POLK: variants seen among roughly 807,000 people sequenced by gnomAD.
POLK encodes polymerase (DNA directed) kappa.
A neutral mutation model predicts 94.0 loss-of-function variants in POLK; 76 were observed. The ratio of observed to expected loss-of-function variants is 0.81; its 90% CI spans 0.67 to 0.98. The LOEUF is 0.98. Among genes scored for constraint, POLK ranks in the 50% least tolerant of loss-of-function variants. The pLI, the probability that POLK is intolerant of heterozygous loss-of-function variation, is 0.00. For missense variants in POLK, 954 were observed against 1,010.1 expected (o/e 0.94, Z 0.75); for synonymous variants, 349 against 325.4 (o/e 1.07, Z -0.78).
At chr5:75,565,466 G>A (rs1186415626) in intron 3 of POLK, among the ~76,000 whole-genome samples, 1 of 152,094 alleles carries the variant, frequency 6.6e-6, no homozygotes, top group African/African-American at 2.4e-5. Flanking sequence ...GAGGTGTTCT[G>A]TTATTTGGAA....
At chr5:75,592,765 G>T (rs1772854825) in intron 11 of POLK, among the ~76,000 whole-genome samples, 1 of 151,918 alleles carries the variant, frequency 6.6e-6, no homozygotes, top group African/African-American at 2.4e-5. Context: ...GCTAAAATGG[G>T]ATTTTAGGTC....
At chr5:75,583,093 A>G in intron 7 of POLK, 200 bp from the exon 8 acceptor site, 1 of 401,396 alleles carries the variant, frequency 2.5e-6, no homozygotes, top group Non-Finnish European at 4.4e-6. Flanking sequence ...TGCCACAATG[A>G]CTGTAACTAG....
rs894481226 is a variant in POLK at position 75,586,892 on chromosome 5, CTG to C, written c.1227-132_1227-131del. 2.1e-5 allele frequency: 13 copies of C among 604,664 alleles called. 1 individual carries two copies. The highest frequency in any genetic ancestry group is 8.4e-5 in the South Asian group (4 of 47,444). 37.5% of individuals were successfully genotyped at this position (604,664 alleles called of 1,614,324 possible). A position where few individuals can be genotyped will look rare whatever the true frequency, so the allele number is the denominator to read the frequency against. On this transcript the variant is annotated intron_variant, in intron 9 of 14. Coordinates refer to ENST00000241436, the Ensembl canonical transcript of POLK. ...TGGTGATTTGTTTTTAGATAAAAAA[CTG>C]TTTTTCATGATGTATAAATTTTAAT...
intron 2 of POLK, among the ~76,000 whole-genome samples, chr5:75,548,014 C>T (rs1770141034): frequency 2.0e-5 from 3 of 152,098 alleles, no homozygotes; most frequent in African/African-American, 7.2e-5. Context: ...ACAGCCTCAC[C>T]CTGGTCTCAA....
intron 1 of POLK, among the ~76,000 whole-genome samples, chr5:75,528,780 C>G (rs1466378675): frequency 6.6e-6 from 1 of 152,148 alleles, no homozygotes; most frequent in East Asian, 1.9e-4. Flanking sequence ...TGCCGCACTC[C>G]AACCTGGGTG....
rs545782229 is a variant in POLK, at chr5:75,588,479, T to A, written c.1259+1421T>A. Among the ~76,000 whole-genome samples, 137 of 152,328 alleles carry A rather than the reference T, an allele frequency of 9.0e-4. 1 individual carries two copies. Among genetic ancestry groups the A allele is most frequent in the African/African-American group, 3.0e-3 (126 of 41,576 alleles). ...CATTTATAATTAAAGAAATACAGAT[T>A]GAAAGTTCTCTCAGATACCTTTCTT... On this transcript the variant is annotated intron_variant, in intron 10 of 14. Transcript: ENST00000241436.
At chr5:75,548,573 T>G (rs1770172108) in intron 2 of POLK, among the ~76,000 whole-genome samples, 2 of 150,908 alleles carry the variant, frequency 1.3e-5, no homozygotes, top group Non-Finnish European at 3.0e-5. Flanking sequence ...TATTATATGT[T>G]ATGTATATTA....
At chr5:75,602,469 CT>C (rs1309028750), downstream of POLK, among the ~76,000 whole-genome samples, 1 of 152,194 alleles carries the variant, frequency 6.6e-6, no homozygotes, top group African/African-American at 2.4e-5. Context: ...GAAGACACCT[CT>C]CTTTGAAAAG....
intron 3 of POLK, among the ~76,000 whole-genome samples, chr5:75,559,610 C>T (rs1770865661): frequency 7.1e-6 from 1 of 141,090 alleles, no homozygotes. Flanking sequence ...CATCATGGCT[C>T]ACTACAACCT....
chr5:75,574,299 G>A (rs2112786582), intron 5 of POLK, among the ~76,000 whole-genome samples: 1 of 152,126 alleles, frequency 6.6e-6, no homozygotes, highest in Admixed American at 6.5e-5. Flanking sequence ...CAAAATTCAT[G>A]TATTTTGATT....
chr5:75,568,988 A>G (rs1413389947), intron 3 of POLK, among the ~76,000 whole-genome samples: 2 of 152,182 alleles, frequency 1.3e-5, no homozygotes, highest in African/African-American at 4.8e-5. Context: ...AGTTCCTGTT[A>G]TGTGCCTAAG....
intron 4 of POLK, 56 bp downstream of exon 4, chr5:75,569,548 A>T: frequency 1.4e-6 from 2 of 1,438,352 alleles, no homozygotes. Context: ...AGTAAGCTTT[A>T]CTGTTTCATG....
chr5:75,543,494 T>A (rs1213114640), intron 1 of POLK, among the ~76,000 whole-genome samples: 1 of 152,150 alleles, frequency 6.6e-6, no homozygotes, highest in Non-Finnish European at 1.5e-5. Context: ...TGGAATAGAT[T>A]AGAGTTGCCC....
chr5:75,579,834 G>C (rs1772107167), intron 6 of POLK, among the ~76,000 whole-genome samples: 1 of 151,714 alleles, frequency 6.6e-6, no homozygotes, highest in Non-Finnish European at 1.5e-5. Context: ...ATCAGTTGAG[G>C]CCAGGAGTTT....
chr5:75,524,614 G>A (rs1459444255), intron 1 of POLK, among the ~76,000 whole-genome samples: 11 of 148,294 alleles, frequency 7.4e-5, no homozygotes, highest in Non-Finnish European at 8.9e-5. Flanking sequence ...TGAAAACCTA[G>A]AAAAAAAAAA....
chr5:75,511,707 C>T, upstream of POLK: 1 of 1,544,776 alleles, frequency 6.5e-7, no homozygotes, highest in Non-Finnish European at 8.7e-7. Flanking sequence ...GTCCCCCTCC[C>T]GGCGTCTGAC....
chr5:75,556,720 T>TC (rs1770640379), intron 3 of POLK, among the ~76,000 whole-genome samples: 1 of 152,004 alleles, frequency 6.6e-6, no homozygotes, highest in Non-Finnish European at 1.5e-5. Flanking sequence ...TTTCTTTTTT[T>TC]TTTTTTTAAC....
At chr5:75,520,147 AAACT>A (rs1416218447) in intron 1 of POLK, among the ~76,000 whole-genome samples, 1 of 152,216 alleles carries the variant, frequency 6.6e-6, no homozygotes, top group Non-Finnish European at 1.5e-5. Flanking sequence ...AAAAAAATAG[AAACT>A]AACAAAGAAA....
intron 5 of POLK, among the ~76,000 whole-genome samples, chr5:75,576,322 G>A (rs1353081092): frequency 2.6e-5 from 4 of 152,046 alleles, no homozygotes; most frequent in African/African-American, 9.7e-5. Flanking sequence ...ATTTTCTAAA[G>A]CAACATAGTA....
Sources: gnomAD v4.1 joint callset for allele counts (sites outside exome capture counted in the v4.1 genomes callset) on GRCh38, gnomAD v4.1.1 for gene constraint, MANE v1.5 for transcripts, NCBI Gene and HGNC (gene_info 2026-07-23, HGNC 2026-07-21) for gene names.